PCDHA11: variants seen among roughly 807,000 people sequenced by gnomAD.
PCDHA11 encodes protocadherin alpha-11.
Under a neutral mutation model 70.3 loss-of-function variants are expected in PCDHA11, and 61 were observed. That is an observed-to-expected ratio of 0.87 (90% confidence interval 0.71 to 1.07). PCDHA11 has a LOEUF of 1.07. PCDHA11 is among the 50% of genes least tolerant of loss of function. The probability of loss-of-function intolerance (pLI) is 0.00; values close to 1 mark genes in which losing one functional copy is unlikely to be tolerated. For synonymous variants in PCDHA11, 633 were observed against 555.1 expected (o/e 1.14, Z -1.97); for missense variants, 1,324 against 1,237.5 (o/e 1.07, Z -1.05).
Position 140,870,200 on chromosome 5 carries a change from C to A in PCDHA11, c.1097C>A (p.Thr366Lys). ...GTACGAGAGGACGCTCAGCCCAGCACGGTCATTGCCCTGATCAGCGTGTCT... is the reference window on the plus strand; with the variant it reads ...GTACGAGAGGACGCTCAGCCCAGCAAGGTCATTGCCCTGATCAGCGTGTCT... The part of the protein sequence containing the change: ...LPVREDAQPS[T>K]VIALISVSDR... Residue 366 changes from threonine to lysine, a missense_variant, in exon 1 of 4, where the codon ACG becomes AAG. Coordinates refer to ENST00000398640, the MANE Select transcript of PCDHA11 (RefSeq NM_018902.5). 1 of 1,614,174 alleles carries A rather than the reference C, an allele frequency of 6.2e-7. No individual in the cohort carries two copies. The highest frequency in any genetic ancestry group is 1.1e-5 in the South Asian group (1 of 91,084).
At chr5:140,932,338 CACTT>C (rs1448800324) in intron 1 of PCDHA11, among the ~76,000 whole-genome samples, 19 of 151,866 alleles carry the variant, frequency 1.3e-4, no homozygotes, top group Non-Finnish European at 2.2e-4. Flanking sequence ...ATGCATGAAA[CACTT>C]ACCATACAAC....
At chr5:140,913,235 G>A (rs1554195817) in intron 1 of PCDHA11, among the ~76,000 whole-genome samples, 4 of 152,144 alleles carry the variant, frequency 2.6e-5, no homozygotes. Context: ...TTTGCTGGGA[G>A]ACTTTTTGTT....
At chr5:140,990,552 C>G (rs1379026755) in intron 3 of PCDHA11, among the ~76,000 whole-genome samples, 5 of 152,130 alleles carry the variant, frequency 3.3e-5, no homozygotes, top group African/African-American at 1.2e-4. Flanking sequence ...CTGTATTACC[C>G]AAGAACACAC....
intron 1 of PCDHA11, among the ~76,000 whole-genome samples, chr5:140,946,879 G>A (rs246051): frequency 0.56 from 84,931 of 150,730 alleles, 24,535 homozygotes; most frequent in African/African-American, 0.69. Flanking sequence ...CAATGGGTAC[G>A]AAGTTACAAT....
At chr5:140,998,903 G>C (rs1465203456) in intron 3 of PCDHA11, among the ~76,000 whole-genome samples, 1 of 152,156 alleles carries the variant, frequency 6.6e-6, no homozygotes, top group East Asian at 1.9e-4. Context: ...CAATGCCTCC[G>C]GGAGGTAGCT....
chr5:140,956,464 A>C (rs1340273443), intron 1 of PCDHA11, among the ~76,000 whole-genome samples: 1 of 152,148 alleles, frequency 6.6e-6, no homozygotes, highest in Admixed American at 6.6e-5. Flanking sequence ...ATTGATTTGC[A>C]TATGTTGAAC....
At position 140,980,684 on chromosome 5, in the gene PCDHA11, GA is replaced by G. The variant is rs782726576; in HGVS notation, c.2450+1687del. 1.5e-4 allele frequency among the ~76,000 whole-genome samples: 22 copies of G among 145,136 alleles called. No individual in the cohort carries two copies. In the East Asian group the frequency reaches 2.6e-3, roughly 17 times the overall value. ...AACTTCCTTATCCCATTTTCAAATT[GA>G]AAAAAAAAAGCCAAATGTGCTCCTA... On this transcript the variant is annotated intron_variant, in intron 2 of 3. Transcript: ENST00000398640.
chr5:140,882,382 A>G (rs782774831), intron 1 of PCDHA11: 5 of 1,614,092 alleles, frequency 3.1e-6, no homozygotes, highest in Non-Finnish European at 4.2e-6. Context: ...TCCCCGAGGA[A>G]GCAAAACACG....
At chr5:140,917,598 G>A (rs2078274580) in intron 1 of PCDHA11, among the ~76,000 whole-genome samples, 1 of 152,174 alleles carries the variant, frequency 6.6e-6, no homozygotes, top group Non-Finnish European at 1.5e-5. Flanking sequence ...TGAAAGGAAG[G>A]GGTCCAGTTT....
At chr5:140,879,512 G>C (rs1378276808) in intron 1 of PCDHA11, among the ~76,000 whole-genome samples, 1 of 152,156 alleles carries the variant, frequency 6.6e-6, no homozygotes, top group Non-Finnish European at 1.5e-5. Flanking sequence ...AGAGATTATT[G>C]ATATAGATTT....
chr5:140,933,503 AAAGACT>A (rs2089194435), intron 1 of PCDHA11, among the ~76,000 whole-genome samples: 1 of 152,098 alleles, frequency 6.6e-6, no homozygotes, highest in Non-Finnish European at 1.5e-5. Flanking sequence ...ATTGTTAAGC[AAAGACT>A]ACAGCTGTTT....
chr5:140,967,628 T>C (rs1341456967), intron 1 of PCDHA11: 3 of 1,613,984 alleles, frequency 1.9e-6, no homozygotes, highest in Non-Finnish European at 2.5e-6. Context: ...GGATGAGGGC[T>C]CCAATGGTGA....
At chr5:140,925,108 G>GGAAGGAA (rs1554202548) in intron 1 of PCDHA11, among the ~76,000 whole-genome samples, 42 of 124,700 alleles carry the variant, frequency 3.4e-4, no homozygotes, top group African/African-American at 1.4e-3. Context: ...GAAGGAAGGA[G>GGAAGGAA]GGAAGGAAGG....
chr5:140,876,514 C>A, intron 1 of PCDHA11: 1 of 1,614,026 alleles, frequency 6.2e-7, no homozygotes, highest in East Asian at 2.2e-5. Flanking sequence ...TGACAATGTC[C>A]CTGAAGTAAT....
At chr5:140,966,707 A>T in intron 1 of PCDHA11, 2 of 1,379,868 alleles carry the variant, frequency 1.4e-6, no homozygotes, top group Non-Finnish European at 9.3e-7. Flanking sequence ...GGCGTGGGGC[A>T]CGGCTGGGGA....
intron 1 of PCDHA11, chr5:140,929,147 A>G (rs1247156816): frequency 6.2e-7 from 1 of 1,614,062 alleles, no homozygotes; most frequent in Non-Finnish European, 8.5e-7. Flanking sequence ...AGACTTTCTC[A>G]GACTTATCTC....
chr5:140,877,797 C>T, intron 1 of PCDHA11: 1 of 1,613,630 alleles, frequency 6.2e-7, no homozygotes. Flanking sequence ...TCAGCCCAAG[C>T]CTTCAGCTGT....
At chr5:140,976,007 A>G (rs546477565) in intron 1 of PCDHA11, among the ~76,000 whole-genome samples, 55 of 152,354 alleles carry the variant, frequency 3.6e-4, no homozygotes, top group African/African-American at 1.3e-3. Flanking sequence ...TAAGTATTAA[A>G]GAACTAAATA....
At chr5:140,958,759 A>G (rs1254935099) in intron 1 of PCDHA11, among the ~76,000 whole-genome samples, 2 of 152,112 alleles carry the variant, frequency 1.3e-5, no homozygotes, top group African/African-American at 4.8e-5. Flanking sequence ...ATTTTTACCC[A>G]TTTCTGTTTG....
Sources: allele counts gnomAD v4.1 joint callset (sites outside exome capture counted in the v4.1 genomes callset), GRCh38; gene constraint gnomAD v4.1.1; transcripts MANE v1.5; gene names NCBI Gene and HGNC (gene_info 2026-07-23, HGNC 2026-07-21).